HIVEP2: variants seen among roughly 807,000 people sequenced by gnomAD.
HIVEP2 encodes HIVEP zinc finger 2, also known as transcription factor HIVEP2.
A neutral mutation model predicts 180.7 loss-of-function variants in HIVEP2; 14 were observed. The ratio of observed to expected loss-of-function variants is 0.08; its 90% confidence interval spans 0.05 to 0.12. The LOEUF is 0.12. Ranked by LOEUF, HIVEP2 falls within the 10% of genes least tolerant of loss-of-function variation. The probability of loss-of-function intolerance (pLI) is 1.00; values close to 1 mark genes in which losing one functional copy is unlikely to be tolerated. For missense variants in HIVEP2, 2,579 were observed against 3,008.5 expected (o/e 0.86, Z 3.34); for synonymous variants, 1,184 against 1,136.4 (o/e 1.04, Z -0.84).
At chr6:142,908,690 T>C (rs1411942412) in intron 1 of HIVEP2, among the ~76,000 whole-genome samples, 3 of 152,024 alleles carry the variant, frequency 2.0e-5, no homozygotes, top group Admixed American at 2.0e-4. Flanking sequence ...TTTGGATAAC[T>C]TGGTGCCTTC....
At chr6:142,843,388 T>C (rs992620287) in intron 1 of HIVEP2, among the ~76,000 whole-genome samples, 1 of 152,086 alleles carries the variant, frequency 6.6e-6, no homozygotes, top group African/African-American at 2.4e-5. Context: ...AAATAAAAGC[T>C]AAATGTGTGA....
At chr6:142,848,991 C>T (rs1286335638) in intron 1 of HIVEP2, among the ~76,000 whole-genome samples, 1 of 152,224 alleles carries the variant, frequency 6.6e-6, no homozygotes, top group Non-Finnish European at 1.5e-5. Flanking sequence ...TTTTTAATAT[C>T]TAACCACTTA....
intron 1 of HIVEP2, among the ~76,000 whole-genome samples, chr6:142,859,801 T>C (rs2114951313): frequency 8.6e-6 from 1 of 116,486 alleles, no homozygotes; most frequent in Middle Eastern, 0.01. Flanking sequence ...ACCATTGCAC[T>C]CCAGTCTGGG....
At chr6:142,866,205 T>C (rs1213276480) in intron 1 of HIVEP2, among the ~76,000 whole-genome samples, 2 of 152,132 alleles carry the variant, frequency 1.3e-5, no homozygotes, top group African/African-American at 4.8e-5. Context: ...CTTGGGCAAG[T>C]TATTTAGTTT....
intron 1 of HIVEP2, among the ~76,000 whole-genome samples, chr6:142,875,575 G>T (rs1468183900): frequency 6.6e-6 from 1 of 152,176 alleles, no homozygotes; most frequent in Non-Finnish European, 1.5e-5. Context: ...CTATAGCAGA[G>T]CAGAGAGTAA....
Position 142,772,761 on chromosome 6 carries a change from C to T in HIVEP2, c.1978G>A (p.Asp660Asn), listed in dbSNP as rs1348244331. 8 of 1,614,088 alleles carry T rather than the reference C, an allele frequency of 5.0e-6. No individual in the cohort carries two copies. The highest frequency in any genetic ancestry group is 1.3e-5 in the African/African-American group (1 of 74,922). The change falls in exon 5 of 10, where the codon GAC (aspartate) becomes AAC (asparagine). Residue 660 changes from aspartate to asparagine, a missense_variant. Around this residue, in one of 11 missense-constraint regions of HIVEP2, gnomAD observed 524 missense variants for 563.6 expected, o/e 0.93. Coordinates refer to ENST00000367603, the MANE Select transcript of HIVEP2 (RefSeq NM_006734.4). This position sits in a 1 kb window ranked among gnomAD's most constrained non-coding sequence, Gnocchi z 4.9. The part of the protein sequence containing the change: ...DSETPKQNYR[D>N]ISCLSSLKHG... Reference sequence around the variant, plus strand: ...TTTAAAGAACTCAAGCAGGAAATGTCCCTGTAGTTTTGCTTTGGTGTTTCA... The same window carrying T: ...TTTAAAGAACTCAAGCAGGAAATGTTCCTGTAGTTTTGCTTTGGTGTTTCA...
At chr6:142,883,573 A>C (rs534701714) in intron 1 of HIVEP2, among the ~76,000 whole-genome samples, 2 of 152,276 alleles carry the variant, frequency 1.3e-5, no homozygotes, top group Non-Finnish European at 2.9e-5. Flanking sequence ...AAAGAAAGGG[A>C]GAAGAATTTT....
In HIVEP2 at chr6:142,773,717, C is replaced by T; in HGVS notation, c.1022G>A (p.Ser341Asn). 1.2e-6 allele frequency: 2 copies of T among 1,614,022 alleles called. No individual in the cohort carries two copies. Among genetic ancestry groups the T allele is most frequent in the Non-Finnish European group, 8.5e-7 (1 of 1,179,990 alleles). ...CATATCAGGGCCAATATACTGAGAGCTTTCATTAGGGAGAGGAATCCCACT... is the reference window on the plus strand; with the variant it reads ...CATATCAGGGCCAATATACTGAGAGTTTTCATTAGGGAGAGGAATCCCACT... ...PKSGIPLPNESSQYIGPDMLP... is the reference protein window; with the variant it reads ...PKSGIPLPNENSQYIGPDMLP... The change falls in exon 5 of 10, where the codon AGC becomes AAC. Residue 341 changes from serine (S) to asparagine (N), a missense_variant. Around this residue, in one of 11 missense-constraint regions of HIVEP2, gnomAD observed 142 missense variants for 135.2 expected, o/e 1.05. Transcript: ENST00000367603.
chr6:142,804,297 G>A (rs1387634929), intron 2 of HIVEP2, among the ~76,000 whole-genome samples: 2 of 152,118 alleles, frequency 1.3e-5, no homozygotes, highest in African/African-American at 4.8e-5. Flanking sequence ...TAGATTGATT[G>A]AGTGTCCCAC....
At chr6:142,762,545 A>G (rs1036192299) in intron 7 of HIVEP2, among the ~76,000 whole-genome samples, 27 of 152,012 alleles carry the variant, frequency 1.8e-4, no homozygotes, top group African/African-American at 6.5e-4. Flanking sequence ...TCAGGAACTA[A>G]TTCAGTTGTA....
intron 1 of HIVEP2, among the ~76,000 whole-genome samples, chr6:142,851,640 C>A (rs775533383): frequency 2.6e-5 from 4 of 152,188 alleles, no homozygotes; most frequent in Non-Finnish European, 5.9e-5. Flanking sequence ...GTTTTTTAAT[C>A]CTTTAAGCCT....
intron 1 of HIVEP2, among the ~76,000 whole-genome samples, chr6:142,858,331 C>A: frequency 6.6e-6 from 1 of 151,904 alleles, no homozygotes; most frequent in South Asian, 2.1e-4. Flanking sequence ...CCTTGCAGAT[C>A]CCCCCTCTCC....
At chr6:142,882,768 C>A (rs1391999907) in intron 1 of HIVEP2, among the ~76,000 whole-genome samples, 5 of 152,118 alleles carry the variant, frequency 3.3e-5, no homozygotes, top group African/African-American at 9.7e-5. Context: ...TTATCGTTTA[C>A]ATAACGCTGG....
chr6:142,911,730 C>T (rs1467983648), intron 1 of HIVEP2, among the ~76,000 whole-genome samples: 1 of 152,118 alleles, frequency 6.6e-6, no homozygotes, highest in Non-Finnish European at 1.5e-5. Context: ...CATATTTCTC[C>T]CTCTGTCCAG....
intron 1 of HIVEP2, among the ~76,000 whole-genome samples, chr6:142,884,938 C>G (rs897831914): frequency 6.6e-6 from 1 of 152,022 alleles, no homozygotes; most frequent in South Asian, 2.1e-4. Context: ...AAGAGGTGCA[C>G]GTTAACTTTC....
upstream of HIVEP2, among the ~76,000 whole-genome samples, chr6:142,945,705 GT>G (rs1778310560): frequency 6.6e-6 from 1 of 152,188 alleles, no homozygotes; most frequent in South Asian, 2.1e-4. The surrounding 1 kb of genome is among the most constrained non-coding windows in gnomAD (Gnocchi z 5.5). Context: ...CACCGAAGAT[GT>G]TTGTGCGGAG....
chr6:142,892,226 G>A (rs1464953865), intron 1 of HIVEP2, among the ~76,000 whole-genome samples: 1 of 152,148 alleles, frequency 6.6e-6, no homozygotes, highest in Non-Finnish European at 1.5e-5. Context: ...CCAGGAACAG[G>A]GTCACAACAG....
In HIVEP2 at chr6:142,770,523, T is replaced by G; in HGVS notation, c.4216A>C (p.Ile1406Leu). The change falls in exon 5 of 10, where the codon ATT (isoleucine) becomes CTT (leucine). Residue 1406 changes from isoleucine to leucine, a missense_variant. Physicochemically the swap from Ile to Leu is conservative, Grantham distance 5. Around this residue, in one of 11 missense-constraint regions of HIVEP2, gnomAD observed 523 missense variants for 577.0 expected, o/e 0.91. Coordinates refer to ENST00000367603, the MANE Select transcript of HIVEP2 (RefSeq NM_006734.4). This position sits in a 1 kb window ranked among gnomAD's most constrained non-coding sequence, Gnocchi z 4.7. Reference sequence around the variant, plus strand: ...GGCAAAGTCTGAGGTGCTTTCCAAATGGGGTACTTCTCCAAGCCCGCATGC... The same window carrying G: ...GGCAAAGTCTGAGGTGCTTTCCAAAGGGGGTACTTCTCCAAGCCCGCATGC... ...GQHAGLEKYP[I>L]WKAPQTLPLG... 3 of 1,614,128 alleles carry G rather than the reference T, an allele frequency of 1.9e-6. No individual in the cohort carries two copies. Among genetic ancestry groups the G allele is most frequent in the Non-Finnish European group, 2.5e-6 (3 of 1,180,022 alleles).
chr6:142,847,321 C>A (rs768942000), intron 1 of HIVEP2, among the ~76,000 whole-genome samples: 1 of 152,008 alleles, frequency 6.6e-6, no homozygotes, highest in Non-Finnish European at 1.5e-5. Flanking sequence ...ATATTACAAC[C>A]CTTTAAAAAC....
Sources: allele counts gnomAD v4.1 joint callset (sites outside exome capture counted in the v4.1 genomes callset), GRCh38; gene constraint gnomAD v4.1.1; regional missense constraint gnomAD v4.1.1; non-coding constraint Gnocchi (gnomAD v3.1); transcripts MANE v1.5; gene names NCBI Gene and HGNC (gene_info 2026-07-23, HGNC 2026-07-21).